Variants in TNNI3K observed in about 807,000 individuals in gnomAD.
TNNI3K encodes the protein TNNI3 interacting kinase, also known as serine/threonine-protein kinase TNNI3K.
In TNNI3K, 140 loss-of-function variants were observed where a neutral mutation model predicts 114.5. That is an observed-to-expected ratio of 1.22 (90% CI 1.07 to 1.41). TNNI3K has a LOEUF of 1.41. TNNI3K is among the 40% of genes most tolerant of loss of function. The pLI is 0.00. For missense variants in TNNI3K, 1,125 were observed against 1,007.6 expected (o/e 1.12, Z -1.58); for synonymous variants, 347 against 347.5 (o/e 1.00, Z 0.02).
chr1:74,274,522 A>G (rs538852288), intron 5 of TNNI3K, among the ~76,000 whole-genome samples: 40 of 152,216 alleles, frequency 2.6e-4, no homozygotes, highest in African/African-American at 9.6e-4. Flanking sequence ...TATAGGAATG[A>G]TACAACAAAA....
chr1:74,538,971 T>C (rs557419077), intron 23 of TNNI3K, among the ~76,000 whole-genome samples: 13 of 152,050 alleles, frequency 8.5e-5, no homozygotes, highest in African/African-American at 2.9e-4. Context: ...TGGGAAGCAA[T>C]TGAAAAGTTT....
At chr1:74,500,224 G>A (rs562389675) in intron 23 of TNNI3K, among the ~76,000 whole-genome samples, 1 of 151,632 alleles carries the variant, frequency 6.6e-6, no homozygotes, top group Non-Finnish European at 1.5e-5. Context: ...TGATTTCATT[G>A]TTTTATACAA....
chr1:74,407,410 A>C (rs1050144936), intron 17 of TNNI3K, among the ~76,000 whole-genome samples: 3 of 152,230 alleles, frequency 2.0e-5, no homozygotes, highest in Non-Finnish European at 4.4e-5. Context: ...GAAATAGTAT[A>C]GAAGTTATCA....
intron 24 of TNNI3K, among the ~76,000 whole-genome samples, chr1:74,542,325 G>A (rs1401723500): frequency 1.3e-5 from 2 of 152,160 alleles, no homozygotes; most frequent in South Asian, 2.1e-4. Flanking sequence ...AGCTGATTAT[G>A]GTCATAAAAG....
Position 74,463,535 on chromosome 1 carries a change from G to T in TNNI3K, c.2106G>T (p.Trp702Cys). 3 of 1,614,184 alleles carry T rather than the reference G, an allele frequency of 1.9e-6. No homozygotes were observed. Among genetic ancestry groups the T allele is most frequent in the Non-Finnish European group, 2.5e-6 (3 of 1,180,042 alleles). Residue 702 changes from tryptophan (W) to cysteine (C), a missense_variant, in exon 21 of 25, where the codon TGG becomes TGT. Trp to Cys is a radical substitution (Grantham distance 215, BLOSUM62 -2). Coordinates refer to ENST00000326637, the MANE Select transcript of TNNI3K (RefSeq NM_015978.3). ...KPISSLLIRG[W>C]NACPEGRPEF... ...TATCATCTCTGCTGATACGAGGGTG[G>T]AACGCATGTCCTGAAGTGAGTAATT...
chr1:74,385,361 T>C (rs1228941586), intron 17 of TNNI3K, among the ~76,000 whole-genome samples: 3 of 152,158 alleles, frequency 2.0e-5, no homozygotes, highest in African/African-American at 7.2e-5. Context: ...AATTGTAGTC[T>C]TTAAGTAGAT....
intron 19 of TNNI3K, among the ~76,000 whole-genome samples, chr1:74,437,924 A>G (rs1470468753): frequency 6.6e-6 from 1 of 151,628 alleles, no homozygotes; most frequent in Non-Finnish European, 1.5e-5. Context: ...GTTAGTTGAG[A>G]CTCTCCAACT....
At chr1:74,382,405 A>T (rs917477614) in intron 17 of TNNI3K, among the ~76,000 whole-genome samples, 1 of 152,212 alleles carries the variant, frequency 6.6e-6, no homozygotes, top group Non-Finnish European at 1.5e-5. Context: ...TTTGTATACA[A>T]TGTATATTAA....
At chr1:74,485,566 T>C (rs1445577559) in intron 21 of TNNI3K, among the ~76,000 whole-genome samples, 1 of 152,172 alleles carries the variant, frequency 6.6e-6, no homozygotes, top group African/African-American at 2.4e-5. Flanking sequence ...TGTCCTTCAG[T>C]GTGGGCAGAA....
At chr1:74,340,853 AG>A (rs1446428999) in intron 7 of TNNI3K, among the ~76,000 whole-genome samples, 2 of 152,160 alleles carry the variant, frequency 1.3e-5, no homozygotes, top group Non-Finnish European at 2.9e-5. Flanking sequence ...CTTTTTTAAA[AG>A]GGAGATAATC....
chr1:74,281,811 A>ATCG (rs1396447052), intron 5 of TNNI3K, among the ~76,000 whole-genome samples: 1 of 88 alleles, frequency 0.011, no homozygotes, highest in African/African-American at 0.017. Context: ...GATTTGTTTT[A>ATCG]TCATATGGTT....
intron 17 of TNNI3K, among the ~76,000 whole-genome samples, chr1:74,412,365 G>A (rs1192396997): frequency 6.6e-6 from 1 of 152,030 alleles, no homozygotes; most frequent in Non-Finnish European, 1.5e-5. Flanking sequence ...CTTAATTTAG[G>A]CAAAGAAACA....
chr1:74,260,575 G>T (rs908367109), intron 4 of TNNI3K, among the ~76,000 whole-genome samples: 1 of 152,082 alleles, frequency 6.6e-6, no homozygotes, highest in African/African-American at 2.4e-5. Context: ...ATCATATGCA[G>T]TACTTAGCAA....
intron 4 of TNNI3K, among the ~76,000 whole-genome samples, chr1:74,252,891 C>G (rs181701903): frequency 2.0e-5 from 3 of 152,192 alleles, no homozygotes; most frequent in African/African-American, 4.8e-5. Flanking sequence ...GAGGGGCACC[C>G]GAGTGGGTTG....
intron 17 of TNNI3K, chr1:74,376,676 T>TTGAATACA (rs1662920599): frequency 6.6e-6 from 1 of 152,032 alleles, no homozygotes; most frequent in Non-Finnish European, 1.5e-5. Context: ...CAAATACTTA[T>TTGAATACA]TGAATACATG....
At chr1:74,387,977 AT>A (rs1663571075) in intron 17 of TNNI3K, among the ~76,000 whole-genome samples, 1 of 152,158 alleles carries the variant, frequency 6.6e-6, no homozygotes, top group Admixed American at 6.5e-5. Context: ...GTTTCAAATA[AT>A]ACCTTTAAAG....
chr1:74,355,921 T>C (rs1287989058), intron 11 of TNNI3K, among the ~76,000 whole-genome samples: 2 of 152,148 alleles, frequency 1.3e-5, no homozygotes, highest in East Asian at 3.8e-4. Context: ...AACATATATA[T>C]ACCTTTGCAC....
rs1472805354 is a variant in TNNI3K at position 74,296,443 on chromosome 1, C to A, written c.444+24735C>A. On this transcript the variant is annotated intron_variant, in intron 5 of 24. Transcript: ENST00000326637. ...TGTGTATTTATTTAAAATGCTATGTCATAATTATTATTTTTAATATAGACT... is the reference window on the plus strand; with the variant it reads ...TGTGTATTTATTTAAAATGCTATGTAATAATTATTATTTTTAATATAGACT... Among the ~76,000 whole-genome samples the A allele has an allele frequency of 4.0e-5, 6 of 151,858 alleles. No individual in the cohort carries two copies. In the East Asian group the frequency reaches 1.2e-3, roughly 29 times the overall value.
intron 20 of TNNI3K, among the ~76,000 whole-genome samples, chr1:74,461,984 T>C (rs1310308301): frequency 1.3e-5 from 2 of 152,244 alleles, no homozygotes; most frequent in African/African-American, 2.4e-5. Context: ...ATTGCTTAGA[T>C]TAATGCTTTA....
Sources: gnomAD v4.1 joint callset for allele counts (sites outside exome capture counted in the v4.1 genomes callset) on GRCh38, gnomAD v4.1.1 for gene constraint, MANE v1.5 for transcripts, NCBI Gene and HGNC (gene_info 2026-07-23, HGNC 2026-07-21) for gene names.